EYA1: variants seen among roughly 807,000 people sequenced by gnomAD.
EYA1 encodes protein phosphatase EYA1.
Under a neutral mutation model 82.0 loss-of-function variants are expected in EYA1, and 16 were observed. That is an observed-to-expected ratio of 0.20 (90% CI 0.13 to 0.30). The LOEUF (loss-of-function observed/expected upper bound fraction) is 0.30. Ranked by LOEUF, EYA1 falls within the 10% of genes least tolerant of loss-of-function variation. EYA1 has a pLI of 1.00. For missense variants in EYA1, 633 were observed against 730.7 expected (o/e 0.87, Z 1.54); for synonymous variants, 261 against 264.4 (o/e 0.99, Z 0.12).
At chr8:71,268,145 T>C (rs1816090831) in intron 11 of EYA1, among the ~76,000 whole-genome samples, 1 of 152,114 alleles carries the variant, frequency 6.6e-6, no homozygotes, top group Admixed American at 6.6e-5. Context: ...AGCTGGTCTC[T>C]TTCATTGGCT....
intron 2 of EYA1, among the ~76,000 whole-genome samples, chr8:71,397,092 C>G (rs1422595381): frequency 6.6e-6 from 1 of 152,186 alleles, no homozygotes; most frequent in Non-Finnish European, 1.5e-5. Flanking sequence ...TCTGTTTTAT[C>G]AGAGACCAGG....
chr8:71,495,089 AAAAG>A (rs1352312716), intron 2 of EYA1, among the ~76,000 whole-genome samples: 13 of 152,220 alleles, frequency 8.5e-5, no homozygotes, highest in Admixed American at 5.9e-4. Context: ...ACTTTAAAAA[AAAAG>A]AAAGAAAAGA....
chr8:71,287,166 A>G (rs1191395143), intron 9 of EYA1, among the ~76,000 whole-genome samples: 1 of 152,144 alleles, frequency 6.6e-6, no homozygotes, highest in East Asian at 1.9e-4. Flanking sequence ...TGAATAAATT[A>G]CATTATATTA....
At chr8:71,250,322 A>C (rs1006758978) in intron 11 of EYA1, among the ~76,000 whole-genome samples, 1 of 152,188 alleles carries the variant, frequency 6.6e-6, no homozygotes, top group Non-Finnish European at 1.5e-5. Flanking sequence ...ATCTGTCCAC[A>C]CAGGTTCATG....
At chr8:71,279,885 G>A (rs1381755512) in intron 9 of EYA1, among the ~76,000 whole-genome samples, 1 of 152,116 alleles carries the variant, frequency 6.6e-6, no homozygotes, top group African/African-American at 2.4e-5. Flanking sequence ...CCTAGAGCAA[G>A]GCTCGGTAAA....
chr8:71,280,253 G>C (rs1353377446), intron 9 of EYA1, among the ~76,000 whole-genome samples: 4 of 152,168 alleles, frequency 2.6e-5, no homozygotes, highest in Non-Finnish European at 5.9e-5. Context: ...GAGTTTCTGA[G>C]AAAAGAAAAA....
chr8:71,478,903 A>G (rs1809881587), intron 2 of EYA1, among the ~76,000 whole-genome samples: 2 of 152,212 alleles, frequency 1.3e-5, no homozygotes, highest in Non-Finnish European at 2.9e-5. Flanking sequence ...TTTACTGAGC[A>G]TCTACCATGC....
chr8:71,432,656 C>A (rs763054580), intron 2 of EYA1, among the ~76,000 whole-genome samples: 1 of 152,050 alleles, frequency 6.6e-6, no homozygotes, highest in Non-Finnish European at 1.5e-5. Context: ...CAGGACTTAC[C>A]CACATGACCT....
At position 71,215,523 on chromosome 8, in the gene EYA1, A is replaced by G; in HGVS notation, c.1476-15T>C. 6.2e-7 allele frequency: 1 copy of G among 1,613,606 alleles called. No homozygotes were observed. The highest frequency in any genetic ancestry group is 1.7e-5 in the Admixed American group (1 of 60,028). On this transcript the variant is annotated splice_polypyrimidine_tract_variant and intron_variant, in intron 15 of 17. Coordinates refer to ENST00000340726, the MANE Select transcript of EYA1 (RefSeq NM_000503.6). ...CACAGTTTGTCCTATGAGAACAAAA[A>G]GAAAACAAAGACTGTTGAAAAATAA...
chr8:71,333,910 G>A (rs1189841234), intron 4 of EYA1, among the ~76,000 whole-genome samples, 187 bp downstream of exon 4: 1 of 152,008 alleles, frequency 6.6e-6, no homozygotes, highest in African/African-American at 2.4e-5. Flanking sequence ...TCTTCACAAT[G>A]AATAAAAACA....
At chr8:71,332,847 C>T (rs1407402029) in intron 4 of EYA1, among the ~76,000 whole-genome samples, 1 of 152,184 alleles carries the variant, frequency 6.6e-6, no homozygotes, top group Non-Finnish European at 1.5e-5. Flanking sequence ...CCCAAAGATC[C>T]ACGCCCTCTG....
chr8:71,280,398 G>A (rs1213557257), intron 9 of EYA1, among the ~76,000 whole-genome samples: 2 of 152,164 alleles, frequency 1.3e-5, no homozygotes, highest in Non-Finnish European at 1.5e-5. Context: ...GACTTAAAGT[G>A]ACCTCCCATA....
At chr8:71,310,562 C>T (rs894777196) in intron 7 of EYA1, among the ~76,000 whole-genome samples, 3 of 152,166 alleles carry the variant, frequency 2.0e-5, no homozygotes, top group African/African-American at 4.8e-5. Flanking sequence ...TGGCCTCCAG[C>T]TCCATCCATG....
chr8:71,354,879 C>T lies in EYA1; in HGVS notation c.27G>A (p.Pro9=), dbSNP rs763352962. The change falls in exon 3 of 18, where the codon CCG becomes CCA. Residue 9 remains proline (P), a synonymous_variant. Transcript: ENST00000340726. MEMQDLTS[P]HSRLSGSSES... ...CACTACTACCACTCAGACGGCTATG[C>T]GGGCTGGTTAGATCCTGCATTTCCA... 23 of 1,613,290 alleles carry T rather than the reference C, an allele frequency of 1.4e-5. No homozygotes were observed. Among genetic ancestry groups the T allele is most frequent in the Middle Eastern group, 3.3e-4 (2 of 6,054 alleles).
intron 2 of EYA1, among the ~76,000 whole-genome samples, chr8:71,530,310 A>G (rs1278901053): frequency 6.6e-6 from 1 of 152,188 alleles, no homozygotes; most frequent in Non-Finnish European, 1.5e-5. Context: ...ATTCCCCTCC[A>G]GGTTCCAGAG....
At chr8:71,351,350 T>C (rs1207740319) in intron 3 of EYA1, among the ~76,000 whole-genome samples, 1 of 152,196 alleles carries the variant, frequency 6.6e-6, no homozygotes, top group African/African-American at 2.4e-5. Context: ...TGGAAACATA[T>C]CACTTCTTAC....
chr8:71,499,441 A>G (rs1423387814), intron 2 of EYA1, among the ~76,000 whole-genome samples: 1 of 152,196 alleles, frequency 6.6e-6, no homozygotes, highest in East Asian at 1.9e-4. Flanking sequence ...GTGCTAAGGA[A>G]CTTACTAGAA....
chr8:71,394,298 A>C lies in EYA1; in HGVS notation c.34-37787T>G, dbSNP rs181682004. Among the ~76,000 whole-genome samples, 40 of 152,332 alleles carry C rather than the reference A, an allele frequency of 2.6e-4. No individual in the cohort carries two copies. In the East Asian group the frequency reaches 7.5e-3, roughly 29 times the overall value. On this transcript the variant is annotated intron_variant, in intron 2 of 18. Transcript: ENST00000643681. Reference sequence around the variant, plus strand: ...TGTGCAGAAGCTCTTTAGTTTAAATAGATCCCTTTTGTCAACTTTCGTTTT... The same window carrying C: ...TGTGCAGAAGCTCTTTAGTTTAAATCGATCCCTTTTGTCAACTTTCGTTTT...
intron 6 of EYA1, among the ~76,000 whole-genome samples, chr8:71,319,540 C>A (rs1487775477): frequency 6.6e-6 from 1 of 152,110 alleles, no homozygotes; most frequent in Non-Finnish European, 1.5e-5. Flanking sequence ...CATAGCCACA[C>A]CTATCTCTGT....
Sources: allele counts gnomAD v4.1 joint callset (sites outside exome capture counted in the v4.1 genomes callset), GRCh38; gene constraint gnomAD v4.1.1; transcripts MANE v1.5; gene names NCBI Gene and HGNC (gene_info 2026-07-23, HGNC 2026-07-21).